The following SMURF1 variants were observed in gnomAD, a reference collection of about 807,000 sequenced individuals.
SMURF1 encodes the protein SMAD specific E3 ubiquitin protein ligase 1, also known as E3 ubiquitin-protein ligase SMURF1.
Under a neutral mutation model 98.0 loss-of-function variants are expected in SMURF1, and 44 were observed. That is an observed-to-expected ratio of 0.45 (90% CI 0.35 to 0.58). SMURF1 has a LOEUF of 0.58. SMURF1 is among the 20% of genes least tolerant of loss of function. The probability of loss-of-function intolerance (pLI) is 0.00; values close to 1 mark genes in which losing one functional copy is unlikely to be tolerated. For missense variants in SMURF1, 687 were observed against 938.4 expected (o/e 0.73, Z 3.50); for synonymous variants, 396 against 374.9 (o/e 1.06, Z -0.65).
At chr7:99,138,088 T>C (rs576737662) in intron 1 of SMURF1, among the ~76,000 whole-genome samples, 1 of 140,152 alleles carries the variant, frequency 7.1e-6, no homozygotes, top group Admixed American at 7.6e-5. Context: ...AAACCAGTAA[T>C]TTAAAACTTG....
At chr7:99,038,572 G>A (rs764422162) in intron 13 of SMURF1, 47 bp from the exon 14 acceptor site, 11 of 1,594,504 alleles carry the variant, frequency 6.9e-6, no homozygotes, top group Admixed American at 5.2e-5. Context: ...CTGCCACCAC[G>A]CGGGGCCATT....
chr7:99,130,656 C>T (rs1473956845), intron 1 of SMURF1, among the ~76,000 whole-genome samples: 5 of 152,156 alleles, frequency 3.3e-5, no homozygotes, highest in Non-Finnish European at 5.9e-5. Context: ...TTCAGAAGTG[C>T]ATTAAATGGT....
rs1795112995 is a variant in SMURF1, at chr7:99,035,788, CCGACACA to C, written c.1810-79_1810-73del. ...ACGTCAGGATGCGCCTCCTAGGTAC[CCGACACA>C]CAACAGTGAAAAGTCGATTCCCAAG... On this transcript the variant is annotated intron_variant, in intron 15 of 17. Transcript: ENST00000361368. 1.2e-5 allele frequency: 17 copies of C among 1,443,080 alleles called. No individual in the cohort carries two copies. In the South Asian group the frequency reaches 2.0e-4, roughly 17 times the overall value. The allele number at this position is 1,443,080 out of a possible 1,614,324, so 89.4% of individuals were successfully genotyped here.
rs767334638 is a variant in SMURF1 at position 99,057,273 on chromosome 7, G to A, written c.338-3C>T. On this transcript the variant is annotated splice_region_variant and splice_polypyrimidine_tract_variant and intron_variant, in intron 4 of 17. Transcript: ENST00000361368. ...TTTGCATAGATCCAAACGCTGGTCT[G>A]TAAACAAACAATTCAAAACTTAACC... The A allele has an allele frequency of 6.2e-7, 1 of 1,614,170 alleles. No homozygotes were observed. Among genetic ancestry groups the A allele is most frequent in the Non-Finnish European group, 8.5e-7 (1 of 1,180,034 alleles).
At chr7:99,056,736 C>T (rs1252139077) in intron 5 of SMURF1, among the ~76,000 whole-genome samples, 1 of 152,164 alleles carries the variant, frequency 6.6e-6, no homozygotes, top group East Asian at 1.9e-4. Flanking sequence ...GGCATGGTGG[C>T]TCACGCCTGT....
At chr7:99,092,379 C>A (rs766327201) in intron 1 of SMURF1, among the ~76,000 whole-genome samples, 10 of 152,144 alleles carry the variant, frequency 6.6e-5, no homozygotes, top group Non-Finnish European at 1.3e-4. Flanking sequence ...TGTGAATTCA[C>A]CTACTTGCTA....
chr7:99,063,262 T>TG (rs1342796156), intron 1 of SMURF1, among the ~76,000 whole-genome samples: 3 of 7,900 alleles, frequency 3.8e-4, no homozygotes, highest in Non-Finnish European at 6.1e-4. Context: ...TATATATATA[T>TG]ATATATATAT....
At position 99,028,496 on chromosome 7, in the gene SMURF1, T is replaced by C. The variant is rs1056703702; in HGVS notation, c.*2088A>G. On this transcript the variant is annotated 3_prime_UTR_variant, in exon 18 of 18. Transcript: ENST00000361368. ...AGGACCCGGGACCCAGCCCTCTGGC[T>C]CTGGGCTGAAGCAACACCCGGCACG... 6 of 152,168 alleles carry C rather than the reference T, an allele frequency of 3.9e-5. No individual in the cohort carries two copies. Among genetic ancestry groups the C allele is most frequent in the African/African-American group, 1.4e-4 (6 of 41,416 alleles). The allele number at this position is 152,168 out of a possible 1,614,324, so 9.4% of individuals were successfully genotyped here. A position where few individuals can be genotyped will look rare whatever the true frequency, so the allele number is the denominator to read the frequency against.
At chr7:99,057,934 T>C (rs1220413425) in intron 3 of SMURF1, among the ~76,000 whole-genome samples, 1 of 152,094 alleles carries the variant, frequency 6.6e-6, no homozygotes. Flanking sequence ...CTCATTGAGA[T>C]TTTCTCTTTA....
At chr7:99,073,321 G>A (rs1257101081) in intron 1 of SMURF1, among the ~76,000 whole-genome samples, 1 of 151,302 alleles carries the variant, frequency 6.6e-6, no homozygotes, top group African/African-American at 2.4e-5. Context: ...GTGGGTTGCA[G>A]TGAGTCCAGA....
intron 1 of SMURF1, among the ~76,000 whole-genome samples, chr7:99,087,786 C>T (rs929162266): frequency 1.3e-5 from 2 of 152,182 alleles, no homozygotes; most frequent in Non-Finnish European, 2.9e-5. Context: ...GTCCAGGCAA[C>T]TCTTATCTCA....
chr7:99,034,566 T>TG (rs1240765682), intron 16 of SMURF1, among the ~76,000 whole-genome samples: 1 of 152,002 alleles, frequency 6.6e-6, no homozygotes, highest in African/African-American at 2.4e-5. Context: ...ATCCATGGAA[T>TG]GGGGCTAATA....
rs1433266060 is a variant in SMURF1, at chr7:99,143,862, C to G, written c.-82G>C. The G allele has an allele frequency of 7.6e-7, 1 of 1,317,422 alleles. No individual in the cohort carries two copies. The highest frequency in any genetic ancestry group is 1.0e-6 in the Non-Finnish European group (1 of 993,686). The allele number at this position is 1,317,422 out of a possible 1,614,324, so 81.6% of individuals were successfully genotyped here. A position where few individuals can be genotyped will look rare whatever the true frequency, so the allele number is the denominator to read the frequency against. On this transcript the variant is annotated 5_prime_UTR_variant, in exon 1 of 18. Transcript: ENST00000361368. ...CGGCCCGGCCCCGCCGCCGCCGCCT[C>G]AAGGTTACGGCTCCGGGCTGGGCGC...
Position 99,030,246 on chromosome 7 carries a change from T to C in SMURF1, c.*338A>G, listed in dbSNP as rs1281512175. Reference sequence around the variant, plus strand: ...CAGTCCCCTAACTGTGAGTTGATGCTCCCGTAAAGAGCTCAGGGCTGTGAG... The same window carrying C: ...CAGTCCCCTAACTGTGAGTTGATGCCCCCGTAAAGAGCTCAGGGCTGTGAG... On this transcript the variant is annotated 3_prime_UTR_variant, in exon 18 of 18. Transcript: ENST00000361368. 1.3e-5 allele frequency: 3 copies of C among 227,362 alleles called. No homozygotes were observed. The highest frequency in any genetic ancestry group is 2.6e-5 in the Non-Finnish European group (3 of 114,192). 14.1% of individuals were successfully genotyped at this position (227,362 alleles called of 1,614,324 possible).
intron 6 of SMURF1, among the ~76,000 whole-genome samples, chr7:99,053,279 A>G (rs1795804737): frequency 6.6e-6 from 1 of 152,176 alleles, no homozygotes; most frequent in East Asian, 1.9e-4. Flanking sequence ...AAATATGTAT[A>G]AAAAATGAGA....
chr7:99,098,787 C>T (rs1006665814), intron 1 of SMURF1, among the ~76,000 whole-genome samples: 8 of 152,080 alleles, frequency 5.3e-5, no homozygotes, highest in Non-Finnish European at 5.9e-5. Context: ...TAGTGACTTT[C>T]GGCCCTCTGA....
At chr7:99,107,510 T>C (rs1276811403) in intron 1 of SMURF1, among the ~76,000 whole-genome samples, 2 of 152,226 alleles carry the variant, frequency 1.3e-5, no homozygotes, top group Non-Finnish European at 2.9e-5. Context: ...TTGGGCTTCA[T>C]TGATTCCTTA....
At chr7:99,030,710 G>T in intron 17 of SMURF1, 27 bp from the exon 18 acceptor site, 1 of 1,599,880 alleles carries the variant, frequency 6.3e-7, no homozygotes, top group South Asian at 1.1e-5. Context: ...GAGAGTCACC[G>T]TGTGGGCAGT....
At chr7:99,106,786 CTCT>C (rs1378757020) in intron 1 of SMURF1, among the ~76,000 whole-genome samples, 4 of 152,200 alleles carry the variant, frequency 2.6e-5, no homozygotes, top group Admixed American at 6.5e-5. Context: ...CTTCTCCGAC[CTCT>C]TTTTTTCCCC....
Sources: allele counts gnomAD v4.1 joint callset (sites outside exome capture counted in the v4.1 genomes callset), GRCh38; gene constraint gnomAD v4.1.1; transcripts MANE v1.5; gene names NCBI Gene and HGNC (gene_info 2026-07-23, HGNC 2026-07-21).